Variants in SCO1 observed in about 807,000 individuals in gnomAD.
The protein encoded by SCO1 is cytochrome c oxidase assembly factor SCO1.
In SCO1, 23 loss-of-function variants were observed where a neutral mutation model predicts 34.0. The ratio of observed to expected loss-of-function variants is 0.68; its 90% CI spans 0.49 to 0.96. The LOEUF (loss-of-function observed/expected upper bound fraction) is 0.96, where lower values mean the gene tolerates loss of function less well. Among genes scored for constraint, SCO1 ranks in the 40% least tolerant of loss-of-function variants. SCO1 has a pLI of 0.00. For missense variants in SCO1, 404 were observed against 381.6 expected (o/e 1.06, Z -0.49); for synonymous variants, 161 against 145.5 (o/e 1.11, Z -0.77).
intron 5 of SCO1, among the ~76,000 whole-genome samples, chr17:10,685,332 A>G (rs547058318): frequency 2.6e-4 from 39 of 152,358 alleles, no homozygotes; most frequent in Non-Finnish European, 5.3e-4. Context: ...AACTAAGAAA[A>G]ATACTGAAAT....
rs1213960109 is a variant in SCO1 at position 10,686,158 on chromosome 17, C to T, written c.771+569G>A. Among the ~76,000 whole-genome samples, 3 of 152,198 alleles carry T rather than the reference C, an allele frequency of 2.0e-5. No homozygotes were observed. In the East Asian group the frequency reaches 5.8e-4, roughly 29 times the overall value. On this transcript the variant is annotated intron_variant, in intron 5 of 5. Transcript: ENST00000255390. ...GCGAGAGGCTGAGGGAGGAGAATTGCTTGAATCCGGGAGGCGGAGGTCGAA... is the reference window on the plus strand; with the variant it reads ...GCGAGAGGCTGAGGGAGGAGAATTGTTTGAATCCGGGAGGCGGAGGTCGAA...
At chr17:10,695,517 G>A (rs538012418) in intron 2 of SCO1, 7 of 495,932 alleles carry the variant, frequency 1.4e-5, no homozygotes, top group Non-Finnish European at 2.6e-5. Context: ...TAATAGTTGT[G>A]TGCCATTTAA....
chr17:10,689,454 AC>A (rs1283880030), intron 4 of SCO1, among the ~76,000 whole-genome samples: 1 of 152,188 alleles, frequency 6.6e-6, no homozygotes, highest in African/African-American at 2.4e-5. Context: ...AGTGCTTTTA[AC>A]CAGTTATTAA....
intron 5 of SCO1, among the ~76,000 whole-genome samples, chr17:10,685,774 A>C (rs1435196038): frequency 6.6e-6 from 1 of 152,222 alleles, no homozygotes; most frequent in Non-Finnish European, 1.5e-5. Context: ...CAATCTTTTT[A>C]AAATAAGTGT....
At position 10,674,525 on chromosome 17, in the gene SCO1, G is replaced by T. The variant is rs1262328702; in HGVS notation, c.*6594C>A. On this transcript the variant is annotated 3_prime_UTR_variant, in exon 6 of 6. Transcript: ENST00000255390. ...TTTCTGCTAAGTACCCCAGTGGTGT[G>T]ACACTGCCGGACCACAGACTACACT... The T allele has an allele frequency of 9.4e-6, 2 of 212,184 alleles. No homozygotes were observed. The highest frequency in any genetic ancestry group is 5.9e-5 in the South Asian group (1 of 17,022). 13.1% of individuals were successfully genotyped at this position (212,184 alleles called of 1,614,324 possible). A position where few individuals can be genotyped will look rare whatever the true frequency, so the allele number is the denominator to read the frequency against.
rs1230868268 is a variant in SCO1, at chr17:10,672,999, T to G, written c.*8120A>C. The G allele has an allele frequency of 3.7e-5, 1 of 27,234 alleles. No individual in the cohort carries two copies. The highest frequency in any genetic ancestry group is 5.4e-4 in the Admixed American group (1 of 1,862). 1.7% of individuals were successfully genotyped at this position (27,234 alleles called of 1,614,324 possible). ...TGTCTAAAAGCTGCCCTAATTTTTC[T>G]TTTTTTTCTTTTTTTTTTTTTTTGA... On this transcript the variant is annotated 3_prime_UTR_variant, in exon 6 of 6. Coordinates refer to ENST00000255390, the MANE Select transcript of SCO1 (RefSeq NM_004589.4).
intron 3 of SCO1, 99 bp downstream of exon 3, chr17:10,692,665 A>C: frequency 4.1e-6 from 4 of 976,108 alleles, no homozygotes; most frequent in Non-Finnish European, 6.5e-6. Context: ...TACAAATCAC[A>C]TAATTGCAAA....
chr17:10,694,861 T>G (rs1306190867), intron 2 of SCO1, among the ~76,000 whole-genome samples: 2 of 150,982 alleles, frequency 1.3e-5, no homozygotes, highest in Middle Eastern at 3.5e-3. Context: ...CTCATATATA[T>G]GTATGTCAGT....
rs2074575350 is a variant in SCO1 at position 10,675,575 on chromosome 17, G to A, written c.*5544C>T. ...AGATCAAGCTACTGAACATTTCAAT[G>A]GCTCTGGAAGCTCTCCTGGCACCCC... On this transcript the variant is annotated 3_prime_UTR_variant, in exon 6 of 6. Transcript: ENST00000255390. 6.6e-6 allele frequency: 1 copy of A among 152,070 alleles called. No individual in the cohort carries two copies. The highest frequency in any genetic ancestry group is 1.5e-5 in the Non-Finnish European group (1 of 68,040). 9.4% of individuals were successfully genotyped at this position (152,070 alleles called of 1,614,324 possible). A position where few individuals can be genotyped will look rare whatever the true frequency, so the allele number is the denominator to read the frequency against.
rs565189708 is a variant in SCO1, at chr17:10,679,518, T to C, written c.*1601A>G. 1.1e-4 allele frequency: 16 copies of C among 152,348 alleles called. No individual in the cohort carries two copies. Among genetic ancestry groups the C allele is most frequent in the African/African-American group, 3.6e-4 (15 of 41,580 alleles). 9.4% of individuals were successfully genotyped at this position (152,348 alleles called of 1,614,324 possible). A position where few individuals can be genotyped will look rare whatever the true frequency, so the allele number is the denominator to read the frequency against. On this transcript the variant is annotated 3_prime_UTR_variant, in exon 6 of 6. Coordinates refer to ENST00000255390, the MANE Select transcript of SCO1 (RefSeq NM_004589.4). ...CCTCTATCATGTGCGTGTAGAAACA[T>C]ATCATGTAAAAAGAATCTGTTGTCT...
Position 10,678,446 on chromosome 17 carries a change from G to GAA in SCO1, c.*2672_*2673insTT, listed in dbSNP as rs2074596357. On this transcript the variant is annotated 3_prime_UTR_variant, in exon 6 of 6. Transcript: ENST00000255390. ...GAACAAATAAAAGTTTTCTCCAAAA[G>GAA]CTGCTGTTCCCTTTTTGGATCATTT... 6.6e-6 allele frequency: 1 copy of GAA among 152,210 alleles called. No individual in the cohort carries two copies. Among genetic ancestry groups the GAA allele is most frequent in the Admixed American group, 6.5e-5 (1 of 15,276 alleles). The allele number at this position is 152,210 out of a possible 1,614,324, so 9.4% of individuals were successfully genotyped here.
At chr17:10,686,195 T>G (rs1485814481) in intron 5 of SCO1, among the ~76,000 whole-genome samples, 1 of 151,946 alleles carries the variant, frequency 6.6e-6, no homozygotes, top group Admixed American at 6.5e-5. Context: ...TGAGCCAAGA[T>G]CGCACCACTG....
chr17:10,674,376 A>T lies in SCO1; in HGVS notation c.*6743T>A. ...GGGAGGTGGAGGTTGCAGTGAGCCAAGATCGCACCACTGCTCTCCAGCCTA... is the reference window on the plus strand; with the variant it reads ...GGGAGGTGGAGGTTGCAGTGAGCCATGATCGCACCACTGCTCTCCAGCCTA... On this transcript the variant is annotated 3_prime_UTR_variant, in exon 6 of 6. Transcript: ENST00000255390. The T allele has an allele frequency of 4.6e-6, 1 of 218,962 alleles. No individual in the cohort carries two copies. The highest frequency in any genetic ancestry group is 5.7e-5 in the South Asian group (1 of 17,658). 13.6% of individuals were successfully genotyped at this position (218,962 alleles called of 1,614,324 possible).
At position 10,672,572 on chromosome 17, in the gene SCO1, C is replaced by T. The variant is rs753825425; in HGVS notation, c.*8547G>A. On this transcript the variant is annotated 3_prime_UTR_variant, in exon 6 of 6. Transcript: ENST00000255390. ...TTCACAGATGTATGCAGTTGTGCAG[C>T]GACCACTACCAAGACACAGATCATT... 1.4e-4 allele frequency: 22 copies of T among 152,150 alleles called. No homozygotes were observed. Among genetic ancestry groups the T allele is most frequent in the African/African-American group, 4.3e-4 (18 of 41,452 alleles). The allele number at this position is 152,150 out of a possible 1,614,324, so 9.4% of individuals were successfully genotyped here.
In SCO1 at chr17:10,672,532, G is replaced by A. The variant is rs943377261; in HGVS notation, c.*8587C>T. ...ATTACAATTCACCCTTTTAAAGTGC[G>A]CAGTTCAGTGAGTTTTCACAGATGT... On this transcript the variant is annotated 3_prime_UTR_variant, in exon 6 of 6. Transcript: ENST00000255390. The A allele has an allele frequency of 2.0e-5, 3 of 151,934 alleles. No individual in the cohort carries two copies. The highest frequency in any genetic ancestry group is 2.1e-4 in the South Asian group (1 of 4,820). 9.4% of individuals were successfully genotyped at this position (151,934 alleles called of 1,614,324 possible).
chr17:10,688,295 CATA>C (rs2074669358), intron 4 of SCO1, among the ~76,000 whole-genome samples: 1 of 152,086 alleles, frequency 6.6e-6, no homozygotes, highest in Non-Finnish European at 1.5e-5. Context: ...TACATATACA[CATA>C]ATGTGAAAAC....
Position 10,674,734 on chromosome 17 carries a change from G to A in SCO1, c.*6385C>T, listed in dbSNP as rs1479807817. ...GAAACCTTGGTGGCCAAGGCCCTTG[G>A]TATGACCTCTTGAGACCAGGAGGCT... is the stretch of plus-strand genomic sequence containing the variant. On this transcript the variant is annotated 3_prime_UTR_variant, in exon 6 of 6. Coordinates refer to ENST00000255390, the MANE Select transcript of SCO1 (RefSeq NM_004589.4). The A allele has an allele frequency of 6.6e-6, 1 of 152,592 alleles. No individual in the cohort carries two copies. The highest frequency in any genetic ancestry group is 1.5e-5 in the Non-Finnish European group (1 of 68,234). 9.5% of individuals were successfully genotyped at this position (152,592 alleles called of 1,614,324 possible).
At chr17:10,694,866 G>A (rs2074712334) in intron 2 of SCO1, among the ~76,000 whole-genome samples, 1 of 152,128 alleles carries the variant, frequency 6.6e-6, no homozygotes, top group Non-Finnish European at 1.5e-5. Context: ...ATATATGTAT[G>A]TCAGTACAAA....
intron 5 of SCO1, among the ~76,000 whole-genome samples, chr17:10,686,049 C>G (rs2074653308): frequency 6.6e-6 from 1 of 152,064 alleles, no homozygotes. Flanking sequence ...CTGGCCTCGC[C>G]TGGCCAACAT....
Sources: gnomAD v4.1 joint callset for allele counts (sites outside exome capture counted in the v4.1 genomes callset) on GRCh38, gnomAD v4.1.1 for gene constraint, MANE v1.5 for transcripts, NCBI Gene and HGNC (gene_info 2026-07-23, HGNC 2026-07-21) for gene names.